Variants in LRRC4C observed in about 807,000 individuals in gnomAD.
LRRC4C encodes the protein leucine-rich repeat-containing protein 4C.
A neutral mutation model predicts 33.6 loss-of-function variants in LRRC4C; 5 were observed. The ratio of observed to expected loss-of-function variants is 0.15; its 90% CI spans 0.08 to 0.31. The LOEUF (loss-of-function observed/expected upper bound fraction) is 0.31, where lower values mean the gene tolerates loss of function less well. Ranked by LOEUF, LRRC4C falls within the 10% of genes least tolerant of loss-of-function variation. The pLI is 1.00. For missense variants in LRRC4C, 560 were observed against 796.7 expected (o/e 0.70, Z 3.58); for synonymous variants, 329 against 302.0 (o/e 1.09, Z -0.93).
At chr11:40,116,624 G>A (rs1419000857) in intron 6 of LRRC4C, among the ~76,000 whole-genome samples, 1 of 152,136 alleles carries the variant, frequency 6.6e-6, no homozygotes, top group African/African-American at 2.4e-5. Context: ...CCAAATGCAT[G>A]AGGACATATA....
intron 2 of LRRC4C, among the ~76,000 whole-genome samples, chr11:40,821,575 C>T (rs2135468338): frequency 6.6e-6 from 1 of 151,510 alleles, no homozygotes; most frequent in East Asian, 1.9e-4. Flanking sequence ...AGACATAATA[C>T]AGAGAGTTCT....
intron 2 of LRRC4C, among the ~76,000 whole-genome samples, chr11:40,886,186 T>C (rs961425781): frequency 6.6e-6 from 1 of 152,076 alleles, no homozygotes; most frequent in Non-Finnish European, 1.5e-5. Context: ...ATGAGTCAAA[T>C]ATTGATTTTA....
At chr11:40,935,104 C>T (rs1431758368) in intron 1 of LRRC4C, among the ~76,000 whole-genome samples, 1 of 152,150 alleles carries the variant, frequency 6.6e-6, no homozygotes, top group African/African-American at 2.4e-5. Flanking sequence ...AGCAAGAAAA[C>T]CCCATGAGGG....
At chr11:41,214,575 C>CAAAAAAAAAAAAAAA (rs547167050) in intron 1 of LRRC4C, among the ~76,000 whole-genome samples, 4 of 34,768 alleles carry the variant, frequency 1.2e-4, no homozygotes, top group Admixed American at 3.6e-4. Flanking sequence ...ACTAAAAATA[C>CAAAAAAAAAAAAAAA]AAAAAAAAAA....
chr11:40,960,245 G>A (rs572213403), intron 1 of LRRC4C, among the ~76,000 whole-genome samples: 6 of 151,740 alleles, frequency 4.0e-5, no homozygotes, highest in African/African-American at 1.4e-4. Flanking sequence ...TCTTTTGAAG[G>A]TTCATTATCA....
intron 2 of LRRC4C, among the ~76,000 whole-genome samples, chr11:40,834,520 A>T (rs1952571086): frequency 6.6e-6 from 1 of 152,016 alleles, no homozygotes; most frequent in Non-Finnish European, 1.5e-5. Context: ...AATCCAATAT[A>T]TACTACTTCT....
At chr11:40,781,151 A>G (rs1367856352) in intron 2 of LRRC4C, among the ~76,000 whole-genome samples, 1 of 152,116 alleles carries the variant, frequency 6.6e-6, no homozygotes, top group Non-Finnish European at 1.5e-5. Flanking sequence ...TATGGCAGGC[A>G]ATTGTAACAC....
chr11:40,144,738 A>C (rs886134045), intron 5 of LRRC4C, among the ~76,000 whole-genome samples: 11 of 152,238 alleles, frequency 7.2e-5, no homozygotes, highest in African/African-American at 2.7e-4. Flanking sequence ...TAATGTGATT[A>C]AGGTTTAATA....
At chr11:40,702,359 C>T (rs1210379432) in intron 2 of LRRC4C, among the ~76,000 whole-genome samples, 2 of 152,046 alleles carry the variant, frequency 1.3e-5, no homozygotes, top group African/African-American at 2.4e-5. Flanking sequence ...TCTCTCTTAC[C>T]AAACTTTTAA....
intron 3 of LRRC4C, among the ~76,000 whole-genome samples, chr11:40,339,222 G>A (rs2136996983): frequency 6.6e-6 from 1 of 152,278 alleles, no homozygotes; most frequent in Non-Finnish European, 1.5e-5. Flanking sequence ...AGGAAACAAG[G>A]TTGTAGTCAG....
intron 2 of LRRC4C, among the ~76,000 whole-genome samples, chr11:40,915,971 G>T (rs1428289571): frequency 1.3e-5 from 2 of 152,156 alleles, no homozygotes; most frequent in Non-Finnish European, 2.9e-5. Flanking sequence ...TGCCATCAGA[G>T]AAATGCAAAT....
At chr11:40,759,875 C>T (rs10768630) in intron 2 of LRRC4C, among the ~76,000 whole-genome samples, 114,920 of 150,686 alleles carry the variant, frequency 0.76, 43,990 homozygotes, top group Middle Eastern at 0.84. Flanking sequence ...AATTAGAAAA[C>T]CTATATGCAC....
At chr11:40,451,475 T>A (rs1008680240) in intron 3 of LRRC4C, among the ~76,000 whole-genome samples, 1 of 136,834 alleles carries the variant, frequency 7.3e-6, no homozygotes, top group East Asian at 2.4e-4. Context: ...AACCTCCGCC[T>A]CCTGGGTTCA....
chr11:40,559,227 C>T (rs1332842218), intron 3 of LRRC4C, among the ~76,000 whole-genome samples: 1 of 148,692 alleles, frequency 6.7e-6, no homozygotes, highest in Non-Finnish European at 1.5e-5. Flanking sequence ...CTCTGCCACC[C>T]AGGTTGGAGT....
At chr11:40,119,511 G>A (rs148529999) in intron 6 of LRRC4C, among the ~76,000 whole-genome samples, 10 of 152,114 alleles carry the variant, frequency 6.6e-5, no homozygotes, top group South Asian at 4.2e-4. Context: ...TGAGAACAGG[G>A]GCCATGTCTG....
chr11:41,035,836 A>G (rs1232849239), intron 1 of LRRC4C, among the ~76,000 whole-genome samples: 1 of 152,154 alleles, frequency 6.6e-6, no homozygotes, highest in African/African-American at 2.4e-5. Flanking sequence ...TAATCTGTGC[A>G]TGCTTTAGGT....
chr11:40,117,990 C>T (rs10837345), intron 6 of LRRC4C, among the ~76,000 whole-genome samples: 37,408 of 148,934 alleles, frequency 0.25, 5,249 homozygotes, highest in East Asian at 0.4. Flanking sequence ...GTTATTATTT[C>T]ATATTAAAAA....
Sources: allele counts gnomAD v4.1 joint callset (sites outside exome capture counted in the v4.1 genomes callset), GRCh38; gene constraint gnomAD v4.1.1; transcripts MANE v1.5; gene names NCBI Gene and HGNC (gene_info 2026-07-23, HGNC 2026-07-21).